The following PTPRS variants were observed in gnomAD, a reference collection of about 807,000 sequenced individuals.
PTPRS encodes the protein receptor-type tyrosine-protein phosphatase S.
In PTPRS, 63 loss-of-function variants were observed where a neutral mutation model predicts 215.3. The ratio of observed to expected loss-of-function variants is 0.29; its 90% CI spans 0.24 to 0.36. The LOEUF (loss-of-function observed/expected upper bound fraction) is 0.36. Ranked by LOEUF, PTPRS falls within the 10% of genes least tolerant of loss-of-function variation. The pLI, the probability that PTPRS is intolerant of heterozygous loss-of-function variation, is 1.00. For missense variants in PTPRS, 2,258 were observed against 2,825.8 expected (o/e 0.80, Z 4.56); for synonymous variants, 1,404 against 1,191.4 (o/e 1.18, Z -3.68).
At position 5,304,417 on chromosome 19, in the gene PTPRS, T is replaced by A. The variant is rs1440487105; in HGVS notation, c.-94-18183A>T. ...ATCGCTTGAATCCAGGAGGTAGAGG[T>A]TGCGAGCTGAGATCACACCATTGCA... On this transcript the variant is annotated intron_variant, in intron 1 of 37. Transcript: ENST00000262963. Among the ~76,000 whole-genome samples the A allele has an allele frequency of 2.0e-5, 3 of 151,474 alleles. No homozygotes were observed. In the East Asian group the frequency reaches 5.9e-4, roughly 30 times the overall value.
intron 25 of PTPRS, among the ~76,000 whole-genome samples, chr19:5,217,964 G>C (rs1383821317): frequency 2.6e-5 from 4 of 152,078 alleles, no homozygotes; most frequent in Admixed American, 2.6e-4. Context: ...AGAGGTACAG[G>C]GCATTGGGCA....
Position 5,257,023 on chromosome 19 carries a change from C to T in PTPRS, c.707-904G>A, listed in dbSNP as rs2146229808. On this transcript the variant is annotated intron_variant, in intron 8 of 37. Coordinates refer to ENST00000262963, the MANE Select transcript of PTPRS (RefSeq NM_002850.4). This position sits in a 1 kb window ranked among gnomAD's most constrained non-coding sequence, Gnocchi z 4.4. ...GGCAGCCCTAGGGATTGAAGGGCGCCCTGGCATCCTGGCAGAAGCTGTTTC... is the reference window on the plus strand; with the variant it reads ...GGCAGCCCTAGGGATTGAAGGGCGCTCTGGCATCCTGGCAGAAGCTGTTTC... 6.6e-6 allele frequency among the ~76,000 whole-genome samples: 1 copy of T among 151,690 alleles called. No individual in the cohort carries two copies. Among genetic ancestry groups the T allele is most frequent in the East Asian group, 1.9e-4 (1 of 5,136 alleles).
At chr19:5,220,446 G>C (rs1291757557) in intron 20 of PTPRS, 93 bp from the exon 21 acceptor site, 3 of 1,056,322 alleles carry the variant, frequency 2.8e-6, no homozygotes, top group Non-Finnish European at 2.8e-6. Flanking sequence ...GTTTCTCTGA[G>C]TCTTCCCTTC....
chr19:5,300,219 C>G (rs2049259198), intron 1 of PTPRS, among the ~76,000 whole-genome samples: 1 of 139,478 alleles, frequency 7.2e-6, no homozygotes, highest in Admixed American at 7.3e-5. Context: ...ACAGCCTGGG[C>G]AACGGGGCGA....
intron 37 of PTPRS, 86 bp downstream of exon 37, chr19:5,207,836 T>TA (rs1473231739): frequency 2.6e-6 from 4 of 1,560,736 alleles, no homozygotes; most frequent in Non-Finnish European, 3.5e-6. Flanking sequence ...CAGGTGGCTG[T>TA]ACCCATCTCA....
Position 5,214,405 on chromosome 19 carries a change from T to C in PTPRS, c.4570A>G (p.Ile1524Val). The C allele has an allele frequency of 6.2e-7, 1 of 1,614,152 alleles. No individual in the cohort carries two copies. The highest frequency in any genetic ancestry group is 8.5e-7 in the Non-Finnish European group (1 of 1,180,024). The change falls in exon 30 of 38, where the codon ATC becomes GTC. Residue 1524 changes from isoleucine to valine, a missense_variant. Around this residue, in one of 6 missense-constraint regions of PTPRS, gnomAD observed 927 missense variants for 1,125.9 expected, o/e 0.82. Transcript: ENST00000262963. Reference protein sequence around the residue: ...GFIQVTLLDTIELATFCVRTF... With the variant: ...GFIQVTLLDTVELATFCVRTF... ...CTGACGCAGAATGTGGCCAGCTCGA[T>C]GGTATCTAGCAACGTGACCTGGATG...
chr19:5,243,425 C>T (rs927003875), intron 11 of PTPRS, among the ~76,000 whole-genome samples: 5 of 151,956 alleles, frequency 3.3e-5, no homozygotes, highest in African/African-American at 7.3e-5. Flanking sequence ...TGTGAGCCAC[C>T]GCCTCCGGCC....
In PTPRS at chr19:5,238,938, C is replaced by A; in HGVS notation, c.1830G>T (p.Arg610=). The change falls in exon 13 of 38, where the codon CGG becomes CGT. Residue 610 remains arginine, a synonymous_variant. Coordinates refer to ENST00000262963, the MANE Select transcript of PTPRS (RefSeq NM_002850.4). ...QGLGAFTPVV[R]QRTLQSKPSA... is the part of the protein sequence containing the mutation. ...ACCTACTGGACTGCAGCGTGCGCTG[C>A]CGCACCACGGGGGTGAAGGCGCCCA... The A allele has an allele frequency of 6.2e-7, 1 of 1,609,116 alleles. No individual in the cohort carries two copies. The highest frequency in any genetic ancestry group is 8.5e-7 in the Non-Finnish European group (1 of 1,177,980).
chr19:5,307,846 G>GT (rs1379202877), intron 1 of PTPRS, among the ~76,000 whole-genome samples: 8 of 152,312 alleles, frequency 5.3e-5, no homozygotes, highest in African/African-American at 1.9e-4. Context: ...CCCACCGTTT[G>GT]TTTTTATAAA....
intron 11 of PTPRS, among the ~76,000 whole-genome samples, chr19:5,240,560 C>T (rs2043944468): frequency 6.6e-6 from 1 of 152,110 alleles, no homozygotes; most frequent in East Asian, 1.9e-4. Flanking sequence ...CCCCTTTCGG[C>T]CGGGCACGGT....
At chr19:5,223,459 C>T (rs186727601) in intron 17 of PTPRS, among the ~76,000 whole-genome samples, 162 bp from the exon 18 acceptor site, 54 of 151,912 alleles carry the variant, frequency 3.6e-4, no homozygotes, top group African/African-American at 1.1e-3. Context: ...GGTGAGATCA[C>T]GGCTCACTGC....
rs368063282 is a variant in PTPRS at position 5,274,695 on chromosome 19, G to A, written c.92-351C>T. 6.6e-5 allele frequency among the ~76,000 whole-genome samples: 10 copies of A among 152,218 alleles called. No individual in the cohort carries two copies. In the East Asian group the frequency reaches 7.8e-4, roughly 12 times the overall value. ...CACAGTGCCACTGGGAAAGATGGAAGGGGAAACCTGTGAGATGCTGGGGTC... is the reference window on the plus strand; with the variant it reads ...CACAGTGCCACTGGGAAAGATGGAAAGGGAAACCTGTGAGATGCTGGGGTC... On this transcript the variant is annotated intron_variant, in intron 2 of 37. Coordinates refer to ENST00000262963, the MANE Select transcript of PTPRS (RefSeq NM_002850.4).
At chr19:5,239,341 GGGGAGAGAGTCAGAGACAGAGGGAC>G (rs2043801948) in intron 12 of PTPRS, among the ~76,000 whole-genome samples, 1 of 151,542 alleles carries the variant, frequency 6.6e-6, no homozygotes, top group East Asian at 2.0e-4. Context: ...GAGAGAAACA[GGGGAGAGAGTCAGAGACAGAGGGAC>G]ACAGAGACAG....
rs76555338 is a variant in PTPRS, at chr19:5,248,891, G to C, written c.719-2846C>G. On this transcript the variant is annotated intron_variant, in intron 9 of 37. Transcript: ENST00000262963. ...GCCGAGAAAGGCATTAACCTGACTCGGGCAGTGCCTGGCACAGCAGGTGCT... is the reference window on the plus strand; with the variant it reads ...GCCGAGAAAGGCATTAACCTGACTCCGGCAGTGCCTGGCACAGCAGGTGCT... Among the ~76,000 whole-genome samples, 597 of 152,342 alleles carry C rather than the reference G, an allele frequency of 3.9e-3. 7 individuals carry two copies. The highest frequency in any genetic ancestry group is 0.014 in the African/African-American group (570 of 41,584).
At chr19:5,251,109 C>CG (rs111754525) in intron 9 of PTPRS, 6,533 of 126,942 alleles carry the variant, frequency 0.051, 481 homozygotes, top group African/African-American at 0.18. Context: ...TTACACCTGT[C>CG]GGGGGGGAAG....
intron 1 of PTPRS, among the ~76,000 whole-genome samples, chr19:5,322,048 G>A (rs1274209689): frequency 6.6e-6 from 1 of 152,222 alleles, no homozygotes; most frequent in Non-Finnish European, 1.5e-5. Flanking sequence ...GAGGCTCAGA[G>A]AGGTTTCAAC....
chr19:5,218,511 G>C lies in PTPRS; in HGVS notation c.3957C>G (p.Pro1319=). Reference sequence around the variant, plus strand: ...CATTGTTCAGGAGGCATTTGGTGCGGGGTTCTGAGTCCTTGCGTTTACTTT... The same window carrying C: ...CATTGTTCAGGAGGCATTTGGTGCGCGGTTCTGAGTCCTTGCGTTTACTTT... ...KPDSKRKDSE[P]RTKCLLNNAD... The change falls in exon 25 of 38, where the codon CCC becomes CCG. Residue 1319 remains proline, a synonymous_variant. Coordinates refer to ENST00000262963, the MANE Select transcript of PTPRS (RefSeq NM_002850.4). 1.2e-6 allele frequency: 2 copies of C among 1,614,162 alleles called. No individual in the cohort carries two copies. Among genetic ancestry groups the C allele is most frequent in the South Asian group, 1.1e-5 (1 of 91,088 alleles).
chr19:5,265,015 C>T lies in PTPRS; in HGVS notation c.561G>A (p.Leu187=). 1 of 1,614,086 alleles carries T rather than the reference C, an allele frequency of 6.2e-7. No individual in the cohort carries two copies. The highest frequency in any genetic ancestry group is 8.5e-7 in the Non-Finnish European group (1 of 1,179,990). ...PSASNGRIKQ[L]RSETFESTPI... ...TCAGCCACCCTCACTCACCTGATCG[C>T]AGCTGTTTGATGCGTCCATTGCTGG... Residue 187 remains leucine (L), a synonymous_variant, in exon 5 of 38, where the codon CTG becomes CTA. Transcript: ENST00000262963.
At chr19:5,268,898 C>T (rs1427388698) in intron 4 of PTPRS, among the ~76,000 whole-genome samples, 1 of 152,200 alleles carries the variant, frequency 6.6e-6, no homozygotes, top group Admixed American at 6.5e-5. Flanking sequence ...CCATCGGGGC[C>T]CTGAAGGGGG....
Sources: gnomAD v4.1 joint callset for allele counts (sites outside exome capture counted in the v4.1 genomes callset) on GRCh38, gnomAD v4.1.1 for gene constraint, gnomAD v4.1.1 regional missense constraint, Gnocchi (gnomAD v3.1) non-coding constraint, MANE v1.5 for transcripts, NCBI Gene and HGNC (gene_info 2026-07-23, HGNC 2026-07-21) for gene names.